CLDN10: variants seen among roughly 807,000 people sequenced by gnomAD.
CLDN10 encodes the protein claudin-10.
In CLDN10, 15 loss-of-function variants were observed where a neutral mutation model predicts 22.9. The ratio of observed to expected loss-of-function variants is 0.65; its 90% CI spans 0.44 to 1.01. CLDN10 has a LOEUF of 1.01. Among genes scored for constraint, CLDN10 ranks in the 50% least tolerant of loss-of-function variants. The probability of loss-of-function intolerance (pLI) is 0.00; values close to 1 mark genes in which losing one functional copy is unlikely to be tolerated. For missense variants in CLDN10, 247 were observed against 287.8 expected, an observed-to-expected ratio of 0.86 and a Z score of 1.03; for synonymous variants, 114 against 111.4, an observed-to-expected ratio of 1.02 and a Z score of -0.15.
intron 1 of CLDN10, among the ~76,000 whole-genome samples, chr13:95,495,042 A>T (rs1232223035): frequency 1.3e-5 from 2 of 150,862 alleles, no homozygotes; most frequent in East Asian, 3.9e-4. Context: ...TTAATTAATT[A>T]ATTTTTTTTT....
intron 1 of CLDN10, among the ~76,000 whole-genome samples, chr13:95,536,150 T>C (rs1003777235): frequency 6.7e-6 from 1 of 148,958 alleles, no homozygotes; most frequent in African/African-American, 2.5e-5. Context: ...TCTCAAGATA[T>C]CTTTAAATAC....
chr13:95,473,500 G>A (rs553625210), intron 1 of CLDN10, among the ~76,000 whole-genome samples: 11 of 152,208 alleles, frequency 7.2e-5, no homozygotes, highest in Non-Finnish European at 1.5e-4. Context: ...GAACAGCTCC[G>A]CCCTCGGCCG....
intron 1 of CLDN10, among the ~76,000 whole-genome samples, chr13:95,461,807 C>T (rs558385706): frequency 6.6e-6 from 1 of 152,296 alleles, no homozygotes; most frequent in South Asian, 2.1e-4. Flanking sequence ...TAATGAAACA[C>T]TTGATCATGC....
In CLDN10 at chr13:95,578,491, T is replaced by G. The variant is rs936299685; in HGVS notation, c.*477T>G. ...ATGTTACTGGCTGCACACAGGCAAA[T>G]TCTAGTTTGTTTTTTTTAAGTATTC... On this transcript the variant is annotated 3_prime_UTR_variant, in exon 5 of 5. Coordinates refer to ENST00000299339, the MANE Select transcript of CLDN10 (RefSeq NM_006984.5). The G allele has an allele frequency of 3.3e-5, 5 of 152,178 alleles. No homozygotes were observed. Among genetic ancestry groups the G allele is most frequent in the African/African-American group, 1.2e-4 (5 of 41,436 alleles). The allele number at this position is 152,178 out of a possible 1,614,324, so 9.4% of individuals were successfully genotyped here.
At chr13:95,534,942 A>T (rs1381506299) in intron 1 of CLDN10, among the ~76,000 whole-genome samples, 7 of 152,208 alleles carry the variant, frequency 4.6e-5, no homozygotes, top group Admixed American at 4.6e-4. Context: ...CTGCGCAGTA[A>T]ATGCAACAAT....
intron 3 of CLDN10, among the ~76,000 whole-genome samples, chr13:95,562,414 T>C (rs1179490678): frequency 2.6e-5 from 4 of 152,210 alleles, no homozygotes; most frequent in Non-Finnish European, 5.9e-5. Context: ...AGAAATGTTA[T>C]TAAATGGGAA....
intron 3 of CLDN10, 94 bp from the exon 4 acceptor site, chr13:95,577,135 CAT>C: frequency 1.3e-6 from 1 of 777,570 alleles, no homozygotes; most frequent in Non-Finnish European, 2.1e-6. Context: ...AGCAAAAAAA[CAT>C]AATAAGCATT....
chr13:95,441,602 G>T (rs1422401057), intron 1 of CLDN10, among the ~76,000 whole-genome samples: 1 of 152,188 alleles, frequency 6.6e-6, no homozygotes, highest in Non-Finnish European at 1.5e-5. Flanking sequence ...ATTGCTTCTT[G>T]AAATGTGATC....
At chr13:95,495,346 A>G (rs911348711) in intron 1 of CLDN10, among the ~76,000 whole-genome samples, 12 of 151,808 alleles carry the variant, frequency 7.9e-5, no homozygotes, top group Non-Finnish European at 1.6e-4. Flanking sequence ...CCCTTTGCAT[A>G]TATTTAGCAA....
chr13:95,506,163 C>A (rs978126282), intron 1 of CLDN10, among the ~76,000 whole-genome samples: 2 of 151,910 alleles, frequency 1.3e-5, no homozygotes, highest in Non-Finnish European at 2.9e-5. Context: ...TGTGTGTGTG[C>A]CTGTGTGTGT....
intron 4 of CLDN10, 101 bp downstream of exon 4, chr13:95,577,439 C>T: frequency 1.2e-6 from 1 of 807,468 alleles, no homozygotes; most frequent in Non-Finnish European, 2.0e-6. Context: ...TTCTTAGAAA[C>T]TTCCAAAATC....
At chr13:95,482,875 AG>A (rs2042764831) in intron 1 of CLDN10, among the ~76,000 whole-genome samples, 1 of 152,108 alleles carries the variant, frequency 6.6e-6, no homozygotes. Context: ...GCTACTCCGG[AG>A]GCTAAGACAG....
At chr13:95,455,423 C>A (rs1439920182) in intron 1 of CLDN10, among the ~76,000 whole-genome samples, 1 of 152,012 alleles carries the variant, frequency 6.6e-6, no homozygotes, top group Non-Finnish European at 1.5e-5. Flanking sequence ...ATTAAAACAC[C>A]AATATAAATT....
At chr13:95,541,659 C>A (rs2043461789) in intron 1 of CLDN10, among the ~76,000 whole-genome samples, 1 of 152,012 alleles carries the variant, frequency 6.6e-6, no homozygotes, top group South Asian at 2.1e-4. Flanking sequence ...CACTTTTTTT[C>A]CACACTCACT....
At chr13:95,462,308 A>G (rs1490182941) in intron 1 of CLDN10, among the ~76,000 whole-genome samples, 2 of 152,190 alleles carry the variant, frequency 1.3e-5, no homozygotes, top group African/African-American at 4.8e-5. Flanking sequence ...TCAATACTAC[A>G]TTGCTAAATC....
chr13:95,469,604 T>C (rs898340779), intron 1 of CLDN10, among the ~76,000 whole-genome samples: 1 of 152,250 alleles, frequency 6.6e-6, no homozygotes, highest in African/African-American at 2.4e-5. Flanking sequence ...CACTAGTTAG[T>C]AGCAGGGATA....
chr13:95,508,089 A>AAAATAAAT (rs1394777504), intron 1 of CLDN10, among the ~76,000 whole-genome samples: 1 of 152,118 alleles, frequency 6.6e-6, no homozygotes, highest in Non-Finnish European at 1.5e-5. Flanking sequence ...CCCTGTCTTA[A>AAAATAAAT]AAATAAATAA....
intron 1 of CLDN10, among the ~76,000 whole-genome samples, chr13:95,519,437 T>C (rs1016097882): frequency 1.3e-5 from 2 of 152,120 alleles, no homozygotes; most frequent in African/African-American, 4.8e-5. Context: ...TAACAGAAAA[T>C]TGGAAAGAAT....
intron 1 of CLDN10, among the ~76,000 whole-genome samples, chr13:95,523,887 C>T (rs1463909376): frequency 2.0e-5 from 3 of 152,130 alleles, no homozygotes; most frequent in African/African-American, 4.8e-5. Context: ...ATGAGATGAC[C>T]GTATCACTTC....
Sources: allele counts gnomAD v4.1 joint callset (sites outside exome capture counted in the v4.1 genomes callset), GRCh38; gene constraint gnomAD v4.1.1; transcripts MANE v1.5; gene names NCBI Gene and HGNC (gene_info 2026-07-23, HGNC 2026-07-21).